Variants in ATXN10 observed in about 807,000 individuals in gnomAD.
The protein encoded by ATXN10 is ataxin-10.
ATXN10 carries 28 observed loss-of-function variants against 52.9 expected under a neutral mutation model. That is an observed-to-expected ratio of 0.53 (90% CI 0.39 to 0.73). The LOEUF is 0.73. Ranked by LOEUF, ATXN10 falls within the 30% of genes least tolerant of loss-of-function variation. The probability of loss-of-function intolerance (pLI) is 0.00; values close to 1 mark genes in which losing one functional copy is unlikely to be tolerated. For synonymous variants in ATXN10, 226 were observed against 221.5 expected (o/e 1.02, Z -0.18); for missense variants, 565 against 577.0 (o/e 0.98, Z 0.21).
At chr22:45,746,831 A>G (rs1020827235) in intron 9 of ATXN10, among the ~76,000 whole-genome samples, 1 of 152,204 alleles carries the variant, frequency 6.6e-6, no homozygotes, top group African/African-American at 2.4e-5. Context: ...TTCTGTGGGT[A>G]AATAGGTTAT....
intron 10 of ATXN10, among the ~76,000 whole-genome samples, chr22:45,807,679 C>A (rs1188992302): frequency 6.6e-6 from 1 of 152,194 alleles, no homozygotes; most frequent in Non-Finnish European, 1.5e-5. Context: ...ACAGTGGTGA[C>A]TAACCAGGGA....
At position 45,843,514 on chromosome 22, in the gene ATXN10, CAG is replaced by C. The variant is rs1929416244; in HGVS notation, c.1426-153_1426-152del. Among the ~76,000 whole-genome samples the C allele has an allele frequency of 6.6e-6, 1 of 152,204 alleles. No homozygotes were observed. The highest frequency in any genetic ancestry group is 2.4e-5 in the African/African-American group (1 of 41,456). ...TTAATGTTCACTATAGTTTAAAAAA[CAG>C]AACTCCTTGAATAATATTGCATGAA... is the stretch of plus-strand genomic sequence containing the variant. On this transcript the variant is annotated intron_variant, in intron 11 of 11. Transcript: ENST00000252934. The surrounding 1 kb of genome is among the most constrained non-coding windows in gnomAD (Gnocchi z 4.5).
Position 45,671,956 on chromosome 22 carries a change from C to G in ATXN10, c.-108C>G. ...CGGTTAGGGCTGTGTAGGGCGAGGC[C>G]TCCCCCTTCCTCCTCGCCATCCTAC... On this transcript the variant is annotated 5_prime_UTR_variant, in exon 1 of 12. Coordinates refer to ENST00000252934, the MANE Select transcript of ATXN10 (RefSeq NM_013236.4). The G allele has an allele frequency of 7.8e-7, 1 of 1,284,844 alleles. No individual in the cohort carries two copies. Among genetic ancestry groups the G allele is most frequent in the African/African-American group, 1.5e-5 (1 of 66,572 alleles). The allele number at this position is 1,284,844 out of a possible 1,614,324, so 79.6% of individuals were successfully genotyped here.
At chr22:45,812,961 C>T (rs1046864201) in intron 10 of ATXN10, among the ~76,000 whole-genome samples, 3 of 152,112 alleles carry the variant, frequency 2.0e-5, no homozygotes, top group African/African-American at 7.2e-5. Context: ...GTTCCTTTTC[C>T]GTTTCTTGGA....
Position 45,772,423 on chromosome 22 carries a change from C to T in ATXN10, c.1173+31885C>T, listed in dbSNP as rs1328859088. On this transcript the variant is annotated intron_variant, in intron 9 of 11. Coordinates refer to ENST00000252934, the MANE Select transcript of ATXN10 (RefSeq NM_013236.4). This position sits in a 1 kb window ranked among gnomAD's most constrained non-coding sequence, Gnocchi z 4.1. Reference sequence around the variant, plus strand: ...CTGTTTCCAGATATGCTATTTTGTTCGTCGATATTTGTGCCTGTCTCTTCA... The same window carrying T: ...CTGTTTCCAGATATGCTATTTTGTTTGTCGATATTTGTGCCTGTCTCTTCA... 3.3e-5 allele frequency among the ~76,000 whole-genome samples: 5 copies of T among 152,104 alleles called. No individual in the cohort carries two copies. Among genetic ancestry groups the T allele is most frequent in the South Asian group, 2.1e-4 (1 of 4,824 alleles).
rs1200816291 is a variant in ATXN10 at position 45,769,167 on chromosome 22, A to G, written c.1173+28629A>G. ...TTTAAAAAAATGGTTAAAAATTTTT[A>G]AAGAGTTGTTATTGTTGTTGACCCG... is the stretch of plus-strand genomic sequence containing the variant. On this transcript the variant is annotated intron_variant, in intron 9 of 11. Coordinates refer to ENST00000252934, the MANE Select transcript of ATXN10 (RefSeq NM_013236.4). This position sits in a 1 kb window ranked among gnomAD's most constrained non-coding sequence, Gnocchi z 4.2. Among the ~76,000 whole-genome samples the G allele has an allele frequency of 6.6e-6, 1 of 152,094 alleles. No individual in the cohort carries two copies. The highest frequency in any genetic ancestry group is 1.9e-4 in the East Asian group (1 of 5,186).
chr22:45,678,863 T>A lies in ATXN10; in HGVS notation c.116+6684T>A, dbSNP rs1239164813. On this transcript the variant is annotated intron_variant, in intron 1 of 11. Transcript: ENST00000252934. This position sits in a 1 kb window ranked among gnomAD's most constrained non-coding sequence, Gnocchi z 4.1. ...TAACTATGTGTAGCTTACTTTGAAC[T>A]ACTGACATAGGAGTAGCTCACATGC... is the stretch of plus-strand genomic sequence containing the variant. The A allele has an allele frequency of 3.3e-5, 5 of 152,256 alleles. No individual in the cohort carries two copies. The highest frequency in any genetic ancestry group is 2.6e-4 in the Admixed American group (4 of 15,286). 9.4% of individuals were successfully genotyped at this position (152,256 alleles called of 1,614,324 possible). A position where few individuals can be genotyped will look rare whatever the true frequency, so the allele number is the denominator to read the frequency against.
At chr22:45,674,682 A>C (rs1410616550) in intron 1 of ATXN10, 3 of 152,326 alleles carry the variant, frequency 2.0e-5, no homozygotes, top group Non-Finnish European at 4.4e-5. Context: ...GGTGGACGAG[A>C]CAAAAAGCCA....
Position 45,823,297 on chromosome 22 carries a change from ATGTT to A in ATXN10, c.1237+16277_1237+16280del, listed in dbSNP as rs1928714108. On this transcript the variant is annotated intron_variant, in intron 10 of 11. Coordinates refer to ENST00000252934, the MANE Select transcript of ATXN10 (RefSeq NM_013236.4). The surrounding 1 kb of genome is among the most constrained non-coding windows in gnomAD (Gnocchi z 4.9). The stretch of plus-strand genomic sequence containing the variant: ...GTAAAATTTATCAGTCTTTCCTTCT[ATGTT>A]TAGTGATTTTTGTGTCTCTGAGGTC... 2.3e-6 allele frequency: 1 copy of A among 438,752 alleles called. No individual in the cohort carries two copies. Among genetic ancestry groups the A allele is most frequent in the Non-Finnish European group, 4.7e-6 (1 of 213,420 alleles). The allele number at this position is 438,752 out of a possible 1,614,324, so 27.2% of individuals were successfully genotyped here.
In ATXN10 at chr22:45,835,679, C is replaced by G. The variant is rs1929144041; in HGVS notation, c.1238-7312C>G. 6.6e-6 allele frequency among the ~76,000 whole-genome samples: 1 copy of G among 152,242 alleles called. No homozygotes were observed. The highest frequency in any genetic ancestry group is 1.5e-5 in the Non-Finnish European group (1 of 68,046). ...CGGCCTAGAAGCCGATTAGCAGCCTCAGCTTTCAGTGCAGGGGTGTTGCTG... is the reference window on the plus strand; with the variant it reads ...CGGCCTAGAAGCCGATTAGCAGCCTGAGCTTTCAGTGCAGGGGTGTTGCTG... On this transcript the variant is annotated intron_variant, in intron 10 of 11. Coordinates refer to ENST00000252934, the MANE Select transcript of ATXN10 (RefSeq NM_013236.4). The surrounding 1 kb of genome is among the most constrained non-coding windows in gnomAD (Gnocchi z 5.0).
intron 9 of ATXN10, among the ~76,000 whole-genome samples, chr22:45,803,797 T>TG (rs1314943172): frequency 6.6e-6 from 1 of 151,948 alleles, no homozygotes; most frequent in Admixed American, 6.6e-5. Context: ...AGAGGAGAAG[T>TG]GGGGGTGTGA....
intron 9 of ATXN10, among the ~76,000 whole-genome samples, chr22:45,806,008 A>G (rs144369982): frequency 6.6e-6 from 1 of 152,354 alleles, no homozygotes; most frequent in East Asian, 1.9e-4. Context: ...ACAAAAAAAT[A>G]AAATAACAAA....
intron 5 of ATXN10, among the ~76,000 whole-genome samples, chr22:45,709,156 T>C (rs1410045856): frequency 6.6e-6 from 1 of 152,228 alleles, no homozygotes; most frequent in Non-Finnish European, 1.5e-5. Flanking sequence ...CCTCTTGCAG[T>C]CTGAATCTGT....
chr22:45,793,024 G>A, intron 9 of ATXN10: 1 of 288,830 alleles, frequency 3.5e-6, no homozygotes. Flanking sequence ...GCCCAGCCAG[G>A]CCTTTTGCAG....
chr22:45,843,524 TGAA>T lies in ATXN10; in HGVS notation c.1426-144_1426-142del, dbSNP rs1306854890. The T allele has an allele frequency of 1.3e-6, 1 of 772,102 alleles. No homozygotes were observed. The highest frequency in any genetic ancestry group is 2.2e-6 in the Non-Finnish European group (1 of 445,056). 47.8% of individuals were successfully genotyped at this position (772,102 alleles called of 1,614,324 possible). On this transcript the variant is annotated intron_variant, in intron 11 of 11. Transcript: ENST00000252934. This position sits in a 1 kb window ranked among gnomAD's most constrained non-coding sequence, Gnocchi z 4.5. The stretch of plus-strand genomic sequence containing the variant: ...CTATAGTTTAAAAAACAGAACTCCT[TGAA>T]TAATATTGCATGAATTGTTTTAGGT...
chr22:45,751,359 G>A (rs920235366), intron 9 of ATXN10, among the ~76,000 whole-genome samples: 1 of 152,060 alleles, frequency 6.6e-6, no homozygotes, highest in African/African-American at 2.4e-5. Flanking sequence ...GTTAGCATTG[G>A]ATCTGGAGAA....
chr22:45,679,857 C>T (rs1922849198), intron 1 of ATXN10: 1 of 152,208 alleles, frequency 6.6e-6, no homozygotes, highest in Non-Finnish European at 1.5e-5. Flanking sequence ...GTGTGAGCCA[C>T]CTCATACATT....
At chr22:45,723,446 G>GTGGTTTTGGTCACATGGGTGGGTTGTAT (rs1371653642) in intron 6 of ATXN10, among the ~76,000 whole-genome samples, 1 of 152,014 alleles carries the variant, frequency 6.6e-6, no homozygotes, top group Non-Finnish European at 1.5e-5. Flanking sequence ...GTATAGTGGT[G>GTGGTTTTGGTCACATGGGTGGGTTGTAT]AAGTCGGCGA....
chr22:45,813,150 T>C (rs1260550165), intron 10 of ATXN10, among the ~76,000 whole-genome samples: 1 of 152,212 alleles, frequency 6.6e-6, no homozygotes, highest in Non-Finnish European at 1.5e-5. Context: ...AATGACACAG[T>C]AGCCAATGCC....
Sources: allele counts gnomAD v4.1 joint callset (sites outside exome capture counted in the v4.1 genomes callset), GRCh38; gene constraint gnomAD v4.1.1; non-coding constraint Gnocchi (gnomAD v3.1); transcripts MANE v1.5; gene names NCBI Gene and HGNC (gene_info 2026-07-23, HGNC 2026-07-21).